CLTCL1: variants seen among roughly 807,000 people sequenced by gnomAD.
CLTCL1 encodes the protein clathrin heavy chain 2.
In CLTCL1, 159 loss-of-function variants were observed where a neutral mutation model predicts 190.0. The observed-to-expected ratio is 0.84, with a 90% CI of 0.74 to 0.95. CLTCL1 has a LOEUF of 0.95. Ranked by LOEUF, CLTCL1 falls within the 40% of genes least tolerant of loss-of-function variation. The pLI is 0.00. For missense variants in CLTCL1, 1,878 were observed against 2,033.4 expected (o/e 0.92, Z 1.47); for synonymous variants, 752 against 769.6 (o/e 0.98, Z 0.38).
intron 4 of CLTCL1, among the ~76,000 whole-genome samples, chr22:19,242,342 T>G (rs1167215318): frequency 6.6e-6 from 1 of 150,508 alleles, no homozygotes; most frequent in Admixed American, 6.7e-5. Context: ...CAAGCAGGAG[T>G]GTAGTGGTGC....
chr22:19,211,301 C>G (rs1555946580), intron 19 of CLTCL1, among the ~76,000 whole-genome samples: 1 of 152,174 alleles, frequency 6.6e-6, no homozygotes, highest in African/African-American at 2.4e-5. Context: ...CTGTTAACAT[C>G]ATAAGTAACA....
rs139644344 is a variant in CLTCL1 at position 19,278,472 on chromosome 22, T to C, written c.43-2642A>G. Among the ~76,000 whole-genome samples, 11 of 152,168 alleles carry C rather than the reference T, an allele frequency of 7.2e-5. No individual in the cohort carries two copies. In the East Asian group the frequency reaches 1.6e-3, roughly 21 times the overall value. ...CAGGCAGAAGAGCAGCCCATGAAGA[T>C]GGACATAATTTACTTAAGTAAAGTT... On this transcript the variant is annotated intron_variant, in intron 1 of 32. Coordinates refer to ENST00000427926, the MANE Select transcript of CLTCL1 (RefSeq NM_007098.4).
At chr22:19,258,442 G>T (rs1601671644) in intron 2 of CLTCL1, 1 of 419,574 alleles carries the variant, frequency 2.4e-6, no homozygotes, top group Non-Finnish European at 4.6e-6. Flanking sequence ...TTGGAGATTG[G>T]CCTGGACTTG....
intron 1 of CLTCL1, 140 bp downstream of exon 1, chr22:19,291,460 C>T (rs1435105901): frequency 2.3e-5 from 18 of 794,532 alleles, no homozygotes; most frequent in Non-Finnish European, 2.9e-5. Context: ...GCCGCAGCCC[C>T]AGCCCAGGTG....
chr22:19,194,681 G>A (rs144876974), intron 26 of CLTCL1, among the ~76,000 whole-genome samples: 15 of 152,296 alleles, frequency 9.8e-5, no homozygotes, highest in African/African-American at 3.1e-4. Flanking sequence ...GGTTCACAGC[G>A]GTGACACCCC....
intron 27 of CLTCL1, among the ~76,000 whole-genome samples, chr22:19,189,178 C>T (rs1555930148): frequency 6.6e-6 from 1 of 152,250 alleles, no homozygotes; most frequent in Admixed American, 6.5e-5. Flanking sequence ...GCTGGGATTA[C>T]AGGCGTGAGC....
intron 3 of CLTCL1, among the ~76,000 whole-genome samples, chr22:19,248,427 C>G (rs573766673): frequency 6.6e-6 from 1 of 152,150 alleles, no homozygotes; most frequent in South Asian, 2.1e-4. Context: ...AGATCAGACA[C>G]CCCTGGTTTA....
intron 22 of CLTCL1, 113 bp from the exon 23 acceptor site, chr22:19,201,606 G>A: frequency 8.7e-7 from 1 of 1,147,004 alleles, no homozygotes; most frequent in South Asian, 1.5e-5. Flanking sequence ...AGGGTGGTAA[G>A]CATCTTTCTG....
At chr22:19,221,817 A>T (rs1292424541) in intron 16 of CLTCL1, 134 bp downstream of exon 16, 1 of 1,073,672 alleles carries the variant, frequency 9.3e-7, no homozygotes. Flanking sequence ...TACCAATAGC[A>T]AGTAACTCAT....
chr22:19,204,199 G>A (rs1056167083), intron 22 of CLTCL1, among the ~76,000 whole-genome samples: 6 of 152,122 alleles, frequency 3.9e-5, no homozygotes, highest in Admixed American at 2.6e-4. Flanking sequence ...AGAAGCCAGA[G>A]AAGCCAGAGT....
intron 22 of CLTCL1, among the ~76,000 whole-genome samples, chr22:19,204,929 C>T (rs1601510515): frequency 6.6e-6 from 1 of 152,158 alleles, no homozygotes; most frequent in South Asian, 2.1e-4. Context: ...CCCACCCAGC[C>T]GGCCCTATGT....
At chr22:19,212,647 AAAAG>A (rs1206427684) in intron 19 of CLTCL1, among the ~76,000 whole-genome samples, 51 of 149,084 alleles carry the variant, frequency 3.4e-4, no homozygotes, top group South Asian at 1.1e-3. Context: ...AGAGAAAGAA[AAAAG>A]AAAGAAAGAA....
intron 1 of CLTCL1, among the ~76,000 whole-genome samples, chr22:19,281,087 G>A (rs1199563567): frequency 2.0e-5 from 3 of 151,602 alleles, no homozygotes; most frequent in Non-Finnish European, 2.9e-5. Flanking sequence ...TCAGGAGATC[G>A]AGACCATCCT....
At chr22:19,268,011 A>T (rs2087176638) in intron 2 of CLTCL1, among the ~76,000 whole-genome samples, 1 of 152,096 alleles carries the variant, frequency 6.6e-6, no homozygotes, top group Admixed American at 6.5e-5. Context: ...TATCAAAATT[A>T]GTAAGTTTTG....
At chr22:19,191,018 C>T (rs186355912) in intron 27 of CLTCL1, among the ~76,000 whole-genome samples, 2,016 of 152,222 alleles carry the variant, frequency 0.013, 44 homozygotes, top group African/African-American at 0.044. Flanking sequence ...CCTCGTGATC[C>T]GCCCGCCTCG....
intron 2 of CLTCL1, among the ~76,000 whole-genome samples, chr22:19,264,346 A>G (rs1030023790): frequency 3.3e-5 from 5 of 152,172 alleles, no homozygotes; most frequent in Non-Finnish European, 7.4e-5. Flanking sequence ...ACTACTGAGA[A>G]TATAAAATAG....
intron 2 of CLTCL1, among the ~76,000 whole-genome samples, chr22:19,261,531 C>T (rs904209735): frequency 1.3e-5 from 2 of 152,130 alleles, no homozygotes; most frequent in Admixed American, 6.6e-5. Flanking sequence ...TAAGAACATT[C>T]GTGATTCACG....
intron 3 of CLTCL1, chr22:19,249,738 A>G (rs117758028): frequency 6.0e-5 from 13 of 215,396 alleles, no homozygotes; most frequent in Non-Finnish European, 9.8e-5. Flanking sequence ...GTAAATTTAA[A>G]TTTATTTCTA....
At chr22:19,235,491 T>C (rs2086051880) in intron 6 of CLTCL1, among the ~76,000 whole-genome samples, 1 of 152,162 alleles carries the variant, frequency 6.6e-6, no homozygotes, top group Non-Finnish European at 1.5e-5. Context: ...AAGGAGCTGC[T>C]CTCCTCCTGG....
Sources: gnomAD v4.1 joint callset for allele counts (sites outside exome capture counted in the v4.1 genomes callset) on GRCh38, gnomAD v4.1.1 for gene constraint, MANE v1.5 for transcripts, NCBI Gene and HGNC (gene_info 2026-07-23, HGNC 2026-07-21) for gene names.